The following DNER variants were observed in gnomAD, a reference collection of about 807,000 sequenced individuals.
DNER encodes delta/notch like EGF repeat containing, also known as delta and Notch-like epidermal growth factor-related receptor.
In DNER, 33 loss-of-function variants were observed where a neutral mutation model predicts 78.2. The ratio of observed to expected loss-of-function variants is 0.42; its 90% CI spans 0.32 to 0.56. The LOEUF (loss-of-function observed/expected upper bound fraction) is 0.56. Ranked by LOEUF, DNER falls within the 20% of genes least tolerant of loss-of-function variation. The pLI is 0.11. For missense variants in DNER, 918 were observed against 975.3 expected, an observed-to-expected ratio of 0.94 and a Z score of 0.78; for synonymous variants, 417 against 384.8, an observed-to-expected ratio of 1.08 and a Z score of -0.98.
intron 1 of DNER, among the ~76,000 whole-genome samples, chr2:229,593,903 A>T (rs13013362): frequency 1.3e-5 from 2 of 152,190 alleles, no homozygotes; most frequent in Non-Finnish European, 2.9e-5. Flanking sequence ...CATTTAAACC[A>T]CAAGGGATCA....
At chr2:229,506,775 T>G (rs1695754840) in intron 6 of DNER, among the ~76,000 whole-genome samples, 1 of 151,880 alleles carries the variant, frequency 6.6e-6, no homozygotes, top group Non-Finnish European at 1.5e-5. Context: ...GGTGTTTGGT[T>G]TTCTGTCCTT....
intron 1 of DNER, among the ~76,000 whole-genome samples, chr2:229,637,471 A>G (rs1484532730): frequency 3.3e-5 from 5 of 152,258 alleles, no homozygotes; most frequent in Admixed American, 6.5e-5. Context: ...AAGCACTTAC[A>G]TTAAATTATA....
intron 6 of DNER, 128 bp downstream of exon 6, chr2:229,512,655 T>A: frequency 1.5e-6 from 2 of 1,321,066 alleles, no homozygotes; most frequent in East Asian, 2.4e-5. Flanking sequence ...ACCTCACAAA[T>A]CACCAAAAAG....
chr2:229,676,942 C>T (rs1699309857), intron 1 of DNER, among the ~76,000 whole-genome samples: 1 of 152,172 alleles, frequency 6.6e-6, no homozygotes, highest in African/African-American at 2.4e-5. Flanking sequence ...TCTCACTTCC[C>T]TGTTCTGGAA....
At chr2:229,699,231 AT>A (rs1483364029) in intron 1 of DNER, among the ~76,000 whole-genome samples, 3 of 152,142 alleles carry the variant, frequency 2.0e-5, no homozygotes, top group East Asian at 1.9e-4. Context: ...AAAAAAAAGA[AT>A]CTTGATAAAA....
At chr2:229,709,993 A>G (rs1699886746) in intron 1 of DNER, among the ~76,000 whole-genome samples, 1 of 152,186 alleles carries the variant, frequency 6.6e-6, no homozygotes, top group Non-Finnish European at 1.5e-5. Context: ...AACAAGCAAG[A>G]GCGGCCTCAA....
intron 1 of DNER, among the ~76,000 whole-genome samples, chr2:229,658,453 G>T (rs1197910658): frequency 4.6e-5 from 7 of 152,184 alleles, no homozygotes; most frequent in Admixed American, 3.9e-4. Flanking sequence ...TGGGACCCAA[G>T]TGAGACTTCT....
At chr2:229,592,812 T>C (rs750141851) in intron 1 of DNER, among the ~76,000 whole-genome samples, 1 of 152,240 alleles carries the variant, frequency 6.6e-6, no homozygotes, top group Non-Finnish European at 1.5e-5. Context: ...CTCTAGCTGA[T>C]ATACCCCTGG....
chr2:229,543,310 C>T (rs186983772), intron 5 of DNER, among the ~76,000 whole-genome samples: 4 of 152,268 alleles, frequency 2.6e-5, no homozygotes, highest in Admixed American at 2.0e-4. Context: ...GTTACCTGCC[C>T]GGTGCTAAAC....
At chr2:229,418,051 A>G (rs991630718) in intron 9 of DNER, 57 bp downstream of exon 9, 19 of 1,613,162 alleles carry the variant, frequency 1.2e-5, no homozygotes, top group Non-Finnish European at 1.5e-5. Context: ...TTACACTGAG[A>G]AATACATGAC....
Position 229,453,727 on chromosome 2 carries a change from T to C in DNER, c.1262-6187A>G, listed in dbSNP as rs114205732. On this transcript the variant is annotated intron_variant, in intron 7 of 12. Transcript: ENST00000341772. Reference sequence around the variant, plus strand: ...CCTCCTCCATAAGTGGTCTCTGATTTTCTTGAGATCAGGGAATGTAACTTA... The same window carrying C: ...CCTCCTCCATAAGTGGTCTCTGATTCTCTTGAGATCAGGGAATGTAACTTA... Among the ~76,000 whole-genome samples the C allele has an allele frequency of 2.8e-3, 433 of 152,172 alleles. 2 individuals are homozygous for C. Among genetic ancestry groups the C allele is most frequent in the African/African-American group, 9.5e-3 (394 of 41,534 alleles).
intron 1 of DNER, among the ~76,000 whole-genome samples, chr2:229,695,725 T>C (rs10933308): frequency 0.41 from 62,262 of 152,006 alleles, 13,643 homozygotes; most frequent in East Asian, 0.71. Flanking sequence ...TCTACCTCTT[T>C]CCCAGTATTC....
chr2:229,382,529 A>G (rs2106333118), intron 11 of DNER, among the ~76,000 whole-genome samples: 1 of 152,256 alleles, frequency 6.6e-6, no homozygotes, highest in Admixed American at 6.5e-5. Flanking sequence ...AAAAAAGGTT[A>G]GATGAATTGC....
chr2:229,418,377 A>G, intron 8 of DNER, 147 bp from the exon 9 acceptor site: 1 of 1,147,364 alleles, frequency 8.7e-7, no homozygotes, highest in South Asian at 1.6e-5. Context: ...TCTTGGGGTA[A>G]AGTTGAAAGG....
At chr2:229,504,557 A>G (rs1574874010) in intron 6 of DNER, among the ~76,000 whole-genome samples, 1 of 152,352 alleles carries the variant, frequency 6.6e-6, no homozygotes, top group South Asian at 2.1e-4. Context: ...GAACAACAAT[A>G]AAAGATGTTC....
intron 1 of DNER, among the ~76,000 whole-genome samples, chr2:229,640,952 C>A (rs1372938132): frequency 1.3e-5 from 2 of 152,076 alleles, no homozygotes; most frequent in African/African-American, 4.8e-5. Context: ...GAGATTGGCT[C>A]AATGGAGCAC....
chr2:229,453,283 T>TG (rs1358710919), intron 7 of DNER, among the ~76,000 whole-genome samples: 1 of 152,152 alleles, frequency 6.6e-6, no homozygotes, highest in East Asian at 1.9e-4. Context: ...GGTTTTCAGA[T>TG]GGGGGGACAA....
At chr2:229,625,571 G>A (rs982486438) in intron 1 of DNER, among the ~76,000 whole-genome samples, 4 of 152,138 alleles carry the variant, frequency 2.6e-5, no homozygotes, top group Admixed American at 6.5e-5. Context: ...CTTCTGCCTA[G>A]GTAGGATTTA....
intron 4 of DNER, among the ~76,000 whole-genome samples, chr2:229,574,402 C>T (rs1259998978): frequency 1.3e-5 from 2 of 151,896 alleles, no homozygotes; most frequent in African/African-American, 4.8e-5. Flanking sequence ...TCAATGGAAC[C>T]CTATACCACC....
Sources: gnomAD v4.1 joint callset for allele counts (sites outside exome capture counted in the v4.1 genomes callset) on GRCh38, gnomAD v4.1.1 for gene constraint, MANE v1.5 for transcripts, NCBI Gene and HGNC (gene_info 2026-07-23, HGNC 2026-07-21) for gene names.